Variants in RPL28 observed in about 807,000 individuals in gnomAD.
RPL28 encodes ribosomal protein L28, also known as large ribosomal subunit protein eL28.
In RPL28, 4 loss-of-function variants were observed where a neutral mutation model predicts 12.5. The ratio of observed to expected loss-of-function variants is 0.32; its 90% confidence interval spans 0.16 to 0.73. The LOEUF is 0.73. Among genes scored for constraint, RPL28 ranks in the 30% least tolerant of loss-of-function variants. The probability of loss-of-function intolerance (pLI) is 0.66; values close to 1 mark genes in which losing one functional copy is unlikely to be tolerated. For missense variants in RPL28, 214 were observed against 197.7 expected (o/e 1.08, Z -0.49); for synonymous variants, 91 against 72.5 (o/e 1.26, Z -1.30).
intron 4 of RPL28, chr19:55,401,763 C>T: frequency 1.2e-6 from 2 of 1,613,142 alleles, no homozygotes; most frequent in Non-Finnish European, 1.7e-6. Context: ...ACTTGATGGT[C>T]TGTGGGAAGA....
In RPL28 at chr19:55,386,066, G is replaced by C. The variant is rs1026964870; in HGVS notation, c.-9+101G>C. ...CTCCCCTTGCGCCTCAAGGGTCATT[G>C]GCGGACCCCAACCCCTCCCCGTGAA... On this transcript the variant is annotated intron_variant, in intron 1 of 4. Transcript: ENST00000344063. 4.6e-5 allele frequency: 19 copies of C among 411,160 alleles called. 3 individuals are homozygous for C. Among genetic ancestry groups the C allele is most frequent in the South Asian group, 4.5e-4 (19 of 41,878 alleles). 25.5% of individuals were successfully genotyped at this position (411,160 alleles called of 1,614,324 possible). A position where few individuals can be genotyped will look rare whatever the true frequency, so the allele number is the denominator to read the frequency against.
Position 55,386,372 on chromosome 19 carries a change from G to A in RPL28, c.15G>A (p.Leu5=). Residue 5 remains leucine (L), a synonymous_variant, in exon 2 of 5, where the codon CTG becomes CTA. Coordinates refer to ENST00000344063, the MANE Select transcript of RPL28 (RefSeq NM_000991.5). ...CAGCCGCCGCCATGTCTGCGCATCTGCAATGGATGGTCGTGCGGAACTGCT... is the reference window on the plus strand; with the variant it reads ...CAGCCGCCGCCATGTCTGCGCATCTACAATGGATGGTCGTGCGGAACTGCT... The part of the protein sequence containing the change: MSAH[L]QWMVVRNCSS... 1 of 1,614,056 alleles carries A rather than the reference G, an allele frequency of 6.2e-7. No homozygotes were observed. The highest frequency in any genetic ancestry group is 8.5e-7 in the Non-Finnish European group (1 of 1,179,998).
At chr19:55,400,924 T>G (rs1290496468) in intron 4 of RPL28, 1 of 159,266 alleles carries the variant, frequency 6.3e-6, no homozygotes, top group Non-Finnish European at 1.4e-5. Context: ...GAGGCGAGCC[T>G]CATGCCAGAC....
At chr19:55,388,203 A>C (rs1872915329) in intron 4 of RPL28, 40 bp from the exon 5 acceptor site, 1 of 1,510,524 alleles carries the variant, frequency 6.6e-7, no homozygotes, top group Non-Finnish European at 8.9e-7. Context: ...CGGCTTGTGG[A>C]GTGTATGGGC....
chr19:55,393,806 G>T (rs1479111657), downstream of RPL28, among the ~76,000 whole-genome samples: 1 of 151,180 alleles, frequency 6.6e-6, no homozygotes, highest in Non-Finnish European at 1.5e-5. Flanking sequence ...CCGCCACCAC[G>T]CCTGGCTAAT....
rs955011181 is a variant in RPL28, at chr19:55,389,050, C to A, written c.*718C>A. On this transcript the variant is annotated 3_prime_UTR_variant, in exon 5 of 5. Transcript: ENST00000344063. ...TTAGGTCTCATCTCAGTGGCCGCTC[C>A]TGGGCCACCCTGTCACCCAAGCTTT... 1.0e-6 allele frequency: 1 copy of A among 985,354 alleles called. No individual in the cohort carries two copies. The allele number at this position is 985,354 out of a possible 1,614,324, so 61.0% of individuals were successfully genotyped here. A position where few individuals can be genotyped will look rare whatever the true frequency, so the allele number is the denominator to read the frequency against.
rs769940446 is a variant in RPL28, at chr19:55,388,370, C to T, written c.*38C>T. The T allele has an allele frequency of 6.9e-7, 1 of 1,444,880 alleles. No homozygotes were observed. The highest frequency in any genetic ancestry group is 9.1e-7 in the Non-Finnish European group (1 of 1,096,390). 89.5% of individuals were successfully genotyped at this position (1,444,880 alleles called of 1,614,324 possible). On this transcript the variant is annotated 3_prime_UTR_variant, in exon 5 of 5. Coordinates refer to ENST00000344063, the MANE Select transcript of RPL28 (RefSeq NM_000991.5). ...CAGAGCAATAAAGTCAGCTGGCTTT[C>T]TCACCTGCCTCGACTGGGCCTCCCT...
In RPL28 at chr19:55,391,605, C is replaced by A. The variant is rs764696800; in HGVS notation, c.*3273C>A. 32 of 1,549,104 alleles carry A rather than the reference C, an allele frequency of 2.1e-5. No individual in the cohort carries two copies. Among genetic ancestry groups the A allele is most frequent in the Non-Finnish European group, 2.8e-5 (32 of 1,144,740 alleles). ...GCTCTGCTGCTCGGTGGCTGTGCAA[C>A]CTTGGGCAAGTTCCTCAACCTCTCT... On this transcript the variant is annotated 3_prime_UTR_variant, in exon 5 of 5. Transcript: ENST00000344063.
Position 55,391,918 on chromosome 19 carries a change from C to T in RPL28, c.*3586C>T. The T allele has an allele frequency of 1.5e-6, 2 of 1,299,292 alleles. No homozygotes were observed. The highest frequency in any genetic ancestry group is 2.0e-6 in the Non-Finnish European group (2 of 1,018,974). 80.5% of individuals were successfully genotyped at this position (1,299,292 alleles called of 1,614,324 possible). On this transcript the variant is annotated 3_prime_UTR_variant, in exon 5 of 5. Transcript: ENST00000344063. ...GCCTGGTGGCTCCAGGTCTGCCCCG[C>T]CGTCCTGTGGGGCTGTGAGCTTTCC...
Position 55,388,268 on chromosome 19 carries a change from T to C in RPL28, c.350T>C (p.Ile117Thr). Reference sequence around the variant, plus strand: ...GCAGCCATCCGCAGGGCCAGCGCCATCCTGCGCAGCCAGAAGCCTGTGATG... The same window carrying C: ...GCAGCCATCCGCAGGGCCAGCGCCACCCTGCGCAGCCAGAAGCCTGTGATG... ...RMAAIRRASA[I>T]LRSQKPVMVK... The change falls in exon 5 of 5, where the codon ATC becomes ACC. Residue 117 changes from isoleucine (I) to threonine (T), a missense_variant. Coordinates refer to ENST00000344063, the MANE Select transcript of RPL28 (RefSeq NM_000991.5). The C allele has an allele frequency of 6.3e-7, 1 of 1,579,030 alleles. No homozygotes were observed. The highest frequency in any genetic ancestry group is 8.6e-7 in the Non-Finnish European group (1 of 1,163,264).
At position 55,388,340 on chromosome 19, in the gene RPL28, G is replaced by GC. The variant is rs1170854972; in HGVS notation, c.*13dup. On this transcript the variant is annotated 3_prime_UTR_variant, in exon 5 of 5. Coordinates refer to ENST00000344063, the MANE Select transcript of RPL28 (RefSeq NM_000991.5). ...CCCACCAAGAGCTCCTGAGCCCCCT[G>GC]CCCCCAGAGCAATAAAGTCAGCTGG... 2 of 1,514,542 alleles carry GC rather than the reference G, an allele frequency of 1.3e-6. No individual in the cohort carries two copies. Among genetic ancestry groups the GC allele is most frequent in the East Asian group, 4.8e-5 (2 of 41,512 alleles). The allele number at this position is 1,514,542 out of a possible 1,614,324, so 93.8% of individuals were successfully genotyped here.
At chr19:55,401,639 C>T (rs1292690585) in intron 4 of RPL28, 7 of 1,607,718 alleles carry the variant, frequency 4.4e-6, no homozygotes, top group Non-Finnish European at 5.9e-6. Context: ...CCGGCGCCCC[C>T]GTGGATCTCT....
chr19:55,403,266 C>T (rs139299958), downstream of RPL28: 121 of 573,520 alleles, frequency 2.1e-4, no homozygotes, highest in African/African-American at 1.6e-3. Context: ...CTGAGTTTTA[C>T]GGCATGTAAG....
At chr19:55,402,813 G>A (rs2090070588) in intron 4 of RPL28, 1 of 711,534 alleles carries the variant, frequency 1.4e-6, no homozygotes, top group African/African-American at 1.8e-5. Flanking sequence ...TGGGAGGGAA[G>A]GGTTTGGGGT....
Position 55,390,502 on chromosome 19 carries a change from GT to G in RPL28, c.*2171del. On this transcript the variant is annotated 3_prime_UTR_variant, in exon 5 of 5. Transcript: ENST00000344063. The stretch of plus-strand genomic sequence containing the variant: ...TTACAGGCGCTCGAGGCTTTCTGAT[GT>G]GGCTGCTGCTGCTCAGAAGGCCTTG... The G allele has an allele frequency of 1.0e-6, 1 of 985,500 alleles. No individual in the cohort carries two copies. Among genetic ancestry groups the G allele is most frequent in the Middle Eastern group, 5.2e-4 (1 of 1,914 alleles). The allele number at this position is 985,500 out of a possible 1,614,324, so 61.0% of individuals were successfully genotyped here.
chr19:55,394,038 G>A (rs956986273), downstream of RPL28, among the ~76,000 whole-genome samples: 1 of 151,802 alleles, frequency 6.6e-6, no homozygotes, highest in Non-Finnish European at 1.5e-5. Context: ...CCAGGCAGGC[G>A]GATCACAAGG....
chr19:55,391,533 T>G lies in RPL28; in HGVS notation c.*3201T>G, dbSNP rs2089989746. 2.0e-6 allele frequency: 3 copies of G among 1,503,010 alleles called. No individual in the cohort carries two copies. The highest frequency in any genetic ancestry group is 2.7e-6 in the Non-Finnish European group (3 of 1,113,398). 93.1% of individuals were successfully genotyped at this position (1,503,010 alleles called of 1,614,324 possible). On this transcript the variant is annotated 3_prime_UTR_variant, in exon 5 of 5. Transcript: ENST00000344063. ...CCCCACAGCAGCAGAGACTCGGGAC[T>G]GAGGCATCCTCTGTTCACAGGACAT...
rs1383770288 is a variant in RPL28, at chr19:55,386,551, TG to T, written c.82-18del. 3 of 1,602,144 alleles carry T rather than the reference TG, an allele frequency of 1.9e-6. No homozygotes were observed. The highest frequency in any genetic ancestry group is 2.6e-6 in the Non-Finnish European group (3 of 1,170,128). On this transcript the variant is annotated intron_variant, in intron 2 of 4. Coordinates refer to ENST00000344063, the MANE Select transcript of RPL28 (RefSeq NM_000991.5). Reference sequence around the variant, plus strand: ...TCCGGGTCCCTTATTCACGATGCCTTGTGCCGCCTCCTTCCCAGGAGCCCAA... The same window carrying T: ...TCCGGGTCCCTTATTCACGATGCCTTTGCCGCCTCCTTCCCAGGAGCCCAA...
intron 3 of RPL28, chr19:55,387,569 G>A: frequency 1.4e-6 from 2 of 1,425,536 alleles, no homozygotes; most frequent in South Asian, 3.1e-5. Context: ...CACTGCTGTG[G>A]GGATGGGCCT....
Sources: gnomAD v4.1 joint callset for allele counts (sites outside exome capture counted in the v4.1 genomes callset) on GRCh38, gnomAD v4.1.1 for gene constraint, MANE v1.5 for transcripts, NCBI Gene and HGNC (gene_info 2026-07-23, HGNC 2026-07-21) for gene names.